Variants in CEP85L observed in about 807,000 individuals in gnomAD.
CEP85L encodes centrosomal protein of 85 kDa-like.
CEP85L carries 60 observed loss-of-function variants against 100.3 expected under a neutral mutation model. The ratio of observed to expected loss-of-function variants is 0.60; its 90% CI spans 0.49 to 0.74. The LOEUF is 0.74. Among genes scored for constraint, CEP85L ranks in the 30% least tolerant of loss-of-function variants. The pLI, the probability that CEP85L is intolerant of heterozygous loss-of-function variation, is 0.00. For missense variants in CEP85L, 973 were observed against 936.2 expected (o/e 1.04, Z -0.51); for synonymous variants, 319 against 322.7 (o/e 0.99, Z 0.12).
intron 1 of CEP85L, among the ~76,000 whole-genome samples, chr6:118,706,820 C>T (rs573018431): frequency 2.0e-4 from 31 of 152,174 alleles, no homozygotes; most frequent in Non-Finnish European, 3.8e-4. Context: ...CCTCCTCTTC[C>T]ACTTCTCGCT....
At chr6:118,630,983 C>T (rs1774108031) in intron 2 of CEP85L, among the ~76,000 whole-genome samples, 1 of 152,216 alleles carries the variant, frequency 6.6e-6, no homozygotes, top group Non-Finnish European at 1.5e-5. Flanking sequence ...CCCACTCCAC[C>T]CTGGTCCGTG....
intron 6 of CEP85L, among the ~76,000 whole-genome samples, chr6:118,485,506 T>G (rs1181020485): frequency 6.6e-6 from 1 of 152,210 alleles, no homozygotes; most frequent in Non-Finnish European, 1.5e-5. Context: ...CACATCCTAT[T>G]ATTTATTGGG....
chr6:118,682,658 T>C (rs1486071072), intron 1 of CEP85L, among the ~76,000 whole-genome samples: 1 of 152,016 alleles, frequency 6.6e-6, no homozygotes, highest in Non-Finnish European at 1.5e-5. Context: ...TCTTGGTTTA[T>C]GCTTCAGGTA....
At chr6:118,681,720 CTTAA>C (rs1340660048) in intron 1 of CEP85L, among the ~76,000 whole-genome samples, 4 of 149,096 alleles carry the variant, frequency 2.7e-5, no homozygotes, top group Non-Finnish European at 5.9e-5. Flanking sequence ...TCTATTTTAC[CTTAA>C]TTATTATTCT....
intron 1 of CEP85L, chr6:118,664,365 C>G (rs960147981): frequency 1.3e-5 from 2 of 152,082 alleles, no homozygotes; most frequent in Admixed American, 1.3e-4. Flanking sequence ...CTAGAATTCA[C>G]GGGAGAAAAT....
intron 1 of CEP85L, among the ~76,000 whole-genome samples, chr6:118,667,367 A>G (rs979697461): frequency 6.6e-6 from 1 of 152,190 alleles, no homozygotes; most frequent in African/African-American, 2.4e-5. Context: ...GGACAAGACT[A>G]TCAAGGCAAG....
intron 2 of CEP85L, among the ~76,000 whole-genome samples, chr6:118,614,887 G>GATAC (rs1772920150): frequency 6.6e-6 from 1 of 152,010 alleles, no homozygotes; most frequent in South Asian, 2.1e-4. Context: ...TAGATAGATA[G>GATAC]ATAGATAGAT....
chr6:118,635,938 A>G (rs10484285), intron 1 of CEP85L, among the ~76,000 whole-genome samples: 6,534 of 152,308 alleles, frequency 0.043, 161 homozygotes, highest in Admixed American at 0.054. Context: ...ACCTTCAATC[A>G]TTAGTCTTGT....
intron 1 of CEP85L, among the ~76,000 whole-genome samples, chr6:118,690,258 T>C (rs1776991859): frequency 6.6e-6 from 1 of 152,234 alleles, no homozygotes; most frequent in Admixed American, 6.5e-5. Flanking sequence ...CTTCTGTGTC[T>C]GACTTGTAGA....
At chr6:118,654,224 G>A (rs1372889766), upstream of CEP85L, among the ~76,000 whole-genome samples, 1 of 152,188 alleles carries the variant, frequency 6.6e-6, no homozygotes, top group African/African-American at 2.4e-5. Flanking sequence ...GCTGTAGTGA[G>A]CTGTAATGAT....
At chr6:118,510,594 T>C (rs1775910067) in intron 5 of CEP85L, among the ~76,000 whole-genome samples, 1 of 152,110 alleles carries the variant, frequency 6.6e-6, no homozygotes, top group Non-Finnish European at 1.5e-5. Context: ...TCTGTTAGCA[T>C]GGCTGGGAGT....
At chr6:118,582,014 T>C (rs1314258042) in intron 2 of CEP85L, among the ~76,000 whole-genome samples, 1 of 152,200 alleles carries the variant, frequency 6.6e-6, no homozygotes, top group Non-Finnish European at 1.5e-5. Flanking sequence ...CCTTTACAAG[T>C]TCTGTACAAT....
intron 3 of CEP85L, among the ~76,000 whole-genome samples, chr6:118,524,748 G>A (rs966039980): frequency 1.3e-5 from 2 of 152,212 alleles, no homozygotes; most frequent in Non-Finnish European, 2.9e-5. Context: ...GATAAAAAGG[G>A]GTCCTTGGAG....
At chr6:118,573,365 T>C (rs1247859826) in intron 2 of CEP85L, among the ~76,000 whole-genome samples, 1 of 152,190 alleles carries the variant, frequency 6.6e-6, no homozygotes, top group Non-Finnish European at 1.5e-5. Flanking sequence ...AAAAATATAT[T>C]TTCAGCTAAG....
rs1275145684 is a variant in CEP85L at position 118,651,583 on chromosome 6, G to C, written c.-314C>G. Reference sequence around the variant, plus strand: ...AGGCTCCAGGCGAAGTTGCAGCTGCGGGTTCTCTCCGCCCCCTCCGCCGGC... The same window carrying C: ...AGGCTCCAGGCGAAGTTGCAGCTGCCGGTTCTCTCCGCCCCCTCCGCCGGC... On this transcript the variant is annotated 5_prime_UTR_variant, in exon 1 of 13. Coordinates refer to ENST00000368491, the MANE Select transcript of CEP85L (RefSeq NM_001042475.3). 1 of 1,139,522 alleles carries C rather than the reference G, an allele frequency of 8.8e-7. No homozygotes were observed. Among genetic ancestry groups the C allele is most frequent in the Non-Finnish European group, 1.1e-6 (1 of 928,982 alleles). The allele number at this position is 1,139,522 out of a possible 1,614,324, so 70.6% of individuals were successfully genotyped here.
intron 2 of CEP85L, among the ~76,000 whole-genome samples, chr6:118,617,207 T>C (rs1773118382): frequency 6.6e-6 from 1 of 152,106 alleles, no homozygotes; most frequent in South Asian, 2.1e-4. Context: ...GGATAAATAA[T>C]ATTGAGGTAT....
chr6:118,542,361 G>A (rs1777942580), intron 3 of CEP85L, among the ~76,000 whole-genome samples: 1 of 152,014 alleles, frequency 6.6e-6, no homozygotes, highest in Admixed American at 6.6e-5. Context: ...TTACCTAATA[G>A]AGTGCCTGAC....
At chr6:118,641,828 GAAA>G (rs11289822) in intron 1 of CEP85L, among the ~76,000 whole-genome samples, 3 of 149,604 alleles carry the variant, frequency 2.0e-5, no homozygotes, top group Admixed American at 6.7e-5. Flanking sequence ...TTTTGCAAGA[GAAA>G]AAAAAAAAAT....
At chr6:118,567,209 ATG>A (rs68047463) in intron 2 of CEP85L, among the ~76,000 whole-genome samples, 418 of 89,566 alleles carry the variant, frequency 4.7e-3, no homozygotes, top group Admixed American at 5.8e-3. Flanking sequence ...ATATATATGT[ATG>A]TGTGTGTGTG....
Sources: gnomAD v4.1 joint callset for allele counts (sites outside exome capture counted in the v4.1 genomes callset) on GRCh38, gnomAD v4.1.1 for gene constraint, MANE v1.5 for transcripts, NCBI Gene and HGNC (gene_info 2026-07-23, HGNC 2026-07-21) for gene names.